GOLGA4: variants seen among roughly 807,000 people sequenced by gnomAD.
The protein encoded by GOLGA4 is golgin subfamily A member 4.
Under a neutral mutation model 265.9 loss-of-function variants are expected in GOLGA4, and 169 were observed. That is an observed-to-expected ratio of 0.64 (90% CI 0.56 to 0.72). The LOEUF is 0.72. Ranked by LOEUF, GOLGA4 falls within the 30% of genes least tolerant of loss-of-function variation. The probability of loss-of-function intolerance (pLI) is 0.00; values close to 1 mark genes in which losing one functional copy is unlikely to be tolerated. For missense variants in GOLGA4, 2,482 were observed against 2,483.4 expected (o/e 1.00, Z 0.01); for synonymous variants, 923 against 855.8 (o/e 1.08, Z -1.37).
intron 2 of GOLGA4, among the ~76,000 whole-genome samples, chr3:37,275,236 A>AG (rs1559370503): frequency 8.7e-5 from 13 of 149,892 alleles, no homozygotes; most frequent in African/African-American, 3.2e-4. Flanking sequence ...AAAAAAAAAA[A>AG]AAAAAGAAAA....
At chr3:37,352,251 A>G (rs1359765544) in intron 21 of GOLGA4, among the ~76,000 whole-genome samples, 1 of 152,080 alleles carries the variant, frequency 6.6e-6, no homozygotes, top group Non-Finnish European at 1.5e-5. Context: ...AACTAATGAC[A>G]TGAGGAAGGC....
chr3:37,308,850 G>A (rs1227907297), intron 10 of GOLGA4, among the ~76,000 whole-genome samples: 2 of 152,082 alleles, frequency 1.3e-5, no homozygotes, highest in Admixed American at 6.5e-5. Flanking sequence ...CTCTGACCTC[G>A]TGATCTGCCC....
chr3:37,364,983 C>T (rs192016703), intron 23 of GOLGA4, among the ~76,000 whole-genome samples: 71 of 152,268 alleles, frequency 4.7e-4, no homozygotes, highest in Non-Finnish European at 8.4e-4. Flanking sequence ...GCAGCCTTGA[C>T]TTCCCAGGCT....
intron 21 of GOLGA4, among the ~76,000 whole-genome samples, chr3:37,347,782 GTAA>G (rs2097060734): frequency 6.6e-6 from 1 of 152,166 alleles, no homozygotes; most frequent in Admixed American, 6.5e-5. Context: ...CCCCATGTAA[GTAA>G]TAATGCTTGG....
intron 5 of GOLGA4, among the ~76,000 whole-genome samples, chr3:37,292,610 C>T (rs915625252): frequency 6.6e-6 from 1 of 151,896 alleles, no homozygotes; most frequent in East Asian, 1.9e-4. Context: ...CACTTGAACC[C>T]GGGAGGTGGA....
chr3:37,299,498 A>T (rs1196913986), intron 9 of GOLGA4, 127 bp downstream of exon 9: 4 of 627,680 alleles, frequency 6.4e-6, no homozygotes, highest in African/African-American at 5.5e-5. Flanking sequence ...TCCATGAAAA[A>T]TCTTTAATTT....
rs2150836153 is a variant in GOLGA4, at chr3:37,295,097, A to G, written c.681+20A>G. ...ACTCAGGTAAAAGAGTAAAAGAAAA[A>G]GTGTGGAATTTTTTGGATAAAGAAA... On this transcript the variant is annotated intron_variant, in intron 6 of 23. Coordinates refer to ENST00000361924, the MANE Select transcript of GOLGA4 (RefSeq NM_002078.5). 2.1e-6 allele frequency: 3 copies of G among 1,396,728 alleles called. No individual in the cohort carries two copies. The highest frequency in any genetic ancestry group is 2.9e-6 in the Non-Finnish European group (3 of 1,018,790). The allele number at this position is 1,396,728 out of a possible 1,614,324, so 86.5% of individuals were successfully genotyped here. A position where few individuals can be genotyped will look rare whatever the true frequency, so the allele number is the denominator to read the frequency against.
rs1320541564 is a variant in GOLGA4 at position 37,325,265 on chromosome 3, C to G, written c.3379C>G (p.Gln1127Glu). 6.2e-7 allele frequency: 1 copy of G among 1,613,190 alleles called. No individual in the cohort carries two copies. Among genetic ancestry groups the G allele is most frequent in the Non-Finnish European group, 8.5e-7 (1 of 1,179,588 alleles). The change falls in exon 14 of 24, where the codon CAA becomes GAA. Residue 1127 changes from glutamine to glutamate, a missense_variant. Gln to Glu is a conservative substitution (Grantham distance 29). Coordinates refer to ENST00000361924, the MANE Select transcript of GOLGA4 (RefSeq NM_002078.5). ...GTCTGCCCATGTGAATTCTCTTGCA[C>G]AAGATGAAACTAAACTGAAAGCTCA... is the stretch of plus-strand genomic sequence containing the variant. ...QKSAHVNSLAQDETKLKAHLE... is the reference protein window; with the variant it reads ...QKSAHVNSLAEDETKLKAHLE...
intron 11 of GOLGA4, among the ~76,000 whole-genome samples, chr3:37,318,204 G>A (rs2096943341): frequency 6.6e-6 from 1 of 151,958 alleles, no homozygotes; most frequent in African/African-American, 2.4e-5. Flanking sequence ...TTCTCCTTCT[G>A]ATATGCCATA....
intron 2 of GOLGA4, among the ~76,000 whole-genome samples, chr3:37,258,259 G>A (rs374672476): frequency 2.0e-5 from 3 of 147,212 alleles, no homozygotes; most frequent in South Asian, 4.3e-4. Context: ...TATATAGAGA[G>A]CATATATATA....
rs201745893 is a variant in GOLGA4, at chr3:37,326,156, C to T, written c.4270C>T (p.Leu1424=). Residue 1424 remains leucine (L), a synonymous_variant, in exon 14 of 24, where the codon CTG becomes TTG. Transcript: ENST00000361924. The part of the protein sequence containing the change: ...VQDLSFKVDT[L]SKEKISALEQ... ...AGATTTATCTTTTAAAGTTGACACT[C>T]TGAGTAAAGAGAAAATTTCTGCTCT... 3.7e-6 allele frequency: 6 copies of T among 1,613,216 alleles called. No individual in the cohort carries two copies. Among genetic ancestry groups the T allele is most frequent in the Non-Finnish European group, 5.1e-6 (6 of 1,179,504 alleles).
chr3:37,286,162 T>G (rs1200019166), intron 4 of GOLGA4, 101 bp downstream of exon 4: 4 of 608,636 alleles, frequency 6.6e-6, no homozygotes, highest in Non-Finnish European at 8.3e-6. Flanking sequence ...TTTTTTTTTT[T>G]TTGAGACGGA....
intron 7 of GOLGA4, among the ~76,000 whole-genome samples, chr3:37,296,486 G>A (rs1192610521): frequency 1.3e-5 from 2 of 152,278 alleles, no homozygotes; most frequent in South Asian, 4.1e-4. Flanking sequence ...AGAAGTGTCC[G>A]TGGTCCTAAT....
chr3:37,302,915 G>T lies in GOLGA4; in HGVS notation c.1234+583G>T, dbSNP rs2096896803. On this transcript the variant is annotated intron_variant, in intron 10 of 23. Coordinates refer to ENST00000361924, the MANE Select transcript of GOLGA4 (RefSeq NM_002078.5). ...AAGGTACAAAATCGACTAAAGCTAG[G>T]AAAGGAGGGATGTTTGAAAGAGGAG... 3 of 152,310 alleles carry T rather than the reference G, an allele frequency of 2.0e-5. No individual in the cohort carries two copies. In the South Asian group the frequency reaches 6.2e-4, roughly 32 times the overall value. 9.4% of individuals were successfully genotyped at this position (152,310 alleles called of 1,614,324 possible). A position where few individuals can be genotyped will look rare whatever the true frequency, so the allele number is the denominator to read the frequency against.
Position 37,257,977 on chromosome 3 carries a change from ATATATATGTATGTATATATGTATAT to A in GOLGA4, c.162+6494_162+6518del, listed in dbSNP as rs1362168858. On this transcript the variant is annotated intron_variant, in intron 2 of 23. Transcript: ENST00000361924. ...TGTATATATGTATATATACATACAT[ATATATATGTATGTATATATGTATAT>A]ATACATACATATATATATGTATGTA... 9.4e-5 allele frequency among the ~76,000 whole-genome samples: 5 copies of A among 53,148 alleles called. No homozygotes were observed. The East Asian group carries it at 1.3e-3, about 14-fold the overall frequency. 34.9% of individuals were successfully genotyped at this position (53,148 alleles called of 152,430 possible).
intron 1 of GOLGA4, chr3:37,244,324 T>G (rs1294883986): frequency 6.6e-6 from 1 of 152,292 alleles, no homozygotes; most frequent in Non-Finnish European, 1.5e-5. Flanking sequence ...AGCTCTGCTC[T>G]GCTTTTTAAG....
At chr3:37,260,146 A>G (rs1416457629) in intron 2 of GOLGA4, among the ~76,000 whole-genome samples, 1 of 142,468 alleles carries the variant, frequency 7.0e-6, no homozygotes, top group Non-Finnish European at 1.5e-5. Flanking sequence ...CACTAATAAT[A>G]GTTGATGAGC....
chr3:37,318,891 A>T (rs957187836), intron 11 of GOLGA4, among the ~76,000 whole-genome samples, 172 bp from the exon 12 acceptor site: 1 of 152,236 alleles, frequency 6.6e-6, no homozygotes, highest in Non-Finnish European at 1.5e-5. Flanking sequence ...TCTTTTAACT[A>T]TCATGGCTTT....
At chr3:37,334,953 C>T in intron 16 of GOLGA4, 100 bp from the exon 17 acceptor site, 1 of 640,676 alleles carries the variant, frequency 1.6e-6, no homozygotes, top group Non-Finnish European at 2.8e-6. Context: ...GTAGTTTTCT[C>T]TATACCATGT....
Sources: gnomAD v4.1 joint callset for allele counts (sites outside exome capture counted in the v4.1 genomes callset) on GRCh38, gnomAD v4.1.1 for gene constraint, MANE v1.5 for transcripts, NCBI Gene and HGNC (gene_info 2026-07-23, HGNC 2026-07-21) for gene names.